SPATA17: variants seen among roughly 807,000 people sequenced by gnomAD.
SPATA17 encodes spermatogenesis associated 17.
In SPATA17, 53 loss-of-function variants were observed where a neutral mutation model predicts 62.2. That is an observed-to-expected ratio of 0.85 (90% CI 0.68 to 1.07). The LOEUF (loss-of-function observed/expected upper bound fraction) is 1.07. SPATA17 is among the 50% of genes least tolerant of loss of function. The pLI is 0.00. For synonymous variants in SPATA17, 146 were observed against 146.8 expected, an observed-to-expected ratio of 0.99 and a Z score of 0.04; for missense variants, 466 against 425.5, an observed-to-expected ratio of 1.10 and a Z score of -0.84.
intron 5 of SPATA17, among the ~76,000 whole-genome samples, chr1:217,721,275 C>T (rs548504658): frequency 1.3e-5 from 2 of 152,066 alleles, no homozygotes; most frequent in Non-Finnish European, 2.9e-5. Context: ...CTCCATGATC[C>T]TCTCTAAGAT....
rs1480425191 is a variant in SPATA17, at chr1:217,822,128, GT to G, written c.1005+20283del. 3.9e-5 allele frequency among the ~76,000 whole-genome samples: 6 copies of G among 152,136 alleles called. No individual in the cohort carries two copies. The East Asian group carries it at 9.7e-4, about 25-fold the overall frequency. ...AAACCCTGGGTTAATGAGTATGCAC[GT>G]TTTTAAGACTTTTGATCCATCTTCC... On this transcript the variant is annotated intron_variant, in intron 9 of 10. Coordinates refer to ENST00000366933, the MANE Select transcript of SPATA17 (RefSeq NM_138796.4).
intron 9 of SPATA17, among the ~76,000 whole-genome samples, chr1:217,822,633 T>A (rs920327091): frequency 6.8e-6 from 1 of 146,708 alleles, no homozygotes; most frequent in Non-Finnish European, 1.5e-5. Flanking sequence ...ATGATGTATA[T>A]CTATATATAT....
At chr1:217,744,953 ATAT>A (rs1460439232) in intron 6 of SPATA17, among the ~76,000 whole-genome samples, 2 of 152,362 alleles carry the variant, frequency 1.3e-5, no homozygotes, top group East Asian at 3.9e-4. Context: ...GGTAACAATC[ATAT>A]TATTAGAATT....
chr1:217,805,081 C>G (rs1314995838), intron 9 of SPATA17, among the ~76,000 whole-genome samples: 1 of 152,072 alleles, frequency 6.6e-6, no homozygotes, highest in African/African-American at 2.4e-5. Flanking sequence ...ATCTGCAGCC[C>G]CATGTTTACT....
At chr1:217,794,963 A>G (rs1196539189) in intron 8 of SPATA17, among the ~76,000 whole-genome samples, 1 of 152,210 alleles carries the variant, frequency 6.6e-6, no homozygotes, top group East Asian at 1.9e-4. Flanking sequence ...AGTCAAGCCA[A>G]AAAATGAAGT....
intron 4 of SPATA17, among the ~76,000 whole-genome samples, chr1:217,683,042 A>G (rs1429440091): frequency 6.6e-6 from 1 of 151,582 alleles, no homozygotes; most frequent in African/African-American, 2.4e-5. Context: ...AAAATAAATT[A>G]TAATAGCCTA....
At chr1:217,720,102 A>C (rs1397760246) in intron 5 of SPATA17, among the ~76,000 whole-genome samples, 2 of 152,200 alleles carry the variant, frequency 1.3e-5, no homozygotes, top group Non-Finnish European at 2.9e-5. Context: ...GGAAGGGGTA[A>C]CACTTTCCCC....
At chr1:217,714,792 G>A (rs933687791) in intron 5 of SPATA17, among the ~76,000 whole-genome samples, 3 of 150,522 alleles carry the variant, frequency 2.0e-5, no homozygotes, top group African/African-American at 7.4e-5. Flanking sequence ...GCCGGAAAAC[G>A]TGTTTCTAAT....
chr1:217,738,980 CAG>C (rs1672571267), intron 5 of SPATA17, among the ~76,000 whole-genome samples: 1 of 151,992 alleles, frequency 6.6e-6, no homozygotes, highest in Admixed American at 6.6e-5. Flanking sequence ...AAAACAAAAA[CAG>C]AGTCTATGCT....
chr1:217,733,932 AG>A (rs1291578339), intron 5 of SPATA17, among the ~76,000 whole-genome samples: 6 of 152,288 alleles, frequency 3.9e-5, no homozygotes, highest in Admixed American at 6.5e-5. Flanking sequence ...CCCTTTGTGA[AG>A]GGCTGCCCTA....
At chr1:217,777,543 A>G (rs1236306178) in intron 7 of SPATA17, among the ~76,000 whole-genome samples, 2 of 151,994 alleles carry the variant, frequency 1.3e-5, no homozygotes, top group African/African-American at 4.8e-5. Flanking sequence ...CTGGTATTAC[A>G]GGCACCTGCC....
chr1:217,745,361 T>G (rs370516939), intron 6 of SPATA17, among the ~76,000 whole-genome samples: 2 of 152,270 alleles, frequency 1.3e-5, no homozygotes, highest in South Asian at 2.1e-4. Flanking sequence ...GGTGGTAAAA[T>G]AGAATAGCAG....
Position 217,739,115 on chromosome 1 carries a change from A to G in SPATA17, c.396-2860A>G, listed in dbSNP as rs566257005. On this transcript the variant is annotated intron_variant, in intron 5 of 10. Transcript: ENST00000366933. ...ACATTCAAATATGTAAAGCTTTGCA[A>G]AAGTTTCAGTAATTTTTATCTTTAT... is the stretch of plus-strand genomic sequence containing the variant. 9.2e-5 allele frequency among the ~76,000 whole-genome samples: 14 copies of G among 152,366 alleles called. No individual in the cohort carries two copies. The East Asian group carries it at 2.5e-3, about 27-fold the overall frequency.
intron 6 of SPATA17, among the ~76,000 whole-genome samples, chr1:217,760,563 C>G (rs1673148506): frequency 6.6e-6 from 1 of 152,140 alleles, no homozygotes; most frequent in South Asian, 2.1e-4. Flanking sequence ...TAGCATTTCC[C>G]CCTGAGGCAT....
chr1:217,712,280 C>T (rs1194549492), intron 5 of SPATA17, among the ~76,000 whole-genome samples: 1 of 151,874 alleles, frequency 6.6e-6, no homozygotes, highest in Non-Finnish European at 1.5e-5. Flanking sequence ...GCATGTGCCA[C>T]CACGCCTGGC....
intron 3 of SPATA17, among the ~76,000 whole-genome samples, chr1:217,656,582 T>TATGTATGTATG (rs777640126): frequency 1.5e-3 from 172 of 118,454 alleles, no homozygotes; most frequent in African/African-American, 5.2e-3. Context: ...ATGTATGTAT[T>TATGTATGTATG]TATTTATTTT....
chr1:217,833,631 T>G (rs1230793521), intron 9 of SPATA17, among the ~76,000 whole-genome samples: 1 of 152,194 alleles, frequency 6.6e-6, no homozygotes, highest in African/African-American at 2.4e-5. Context: ...ATGCGGAGTT[T>G]GATTTAATAT....
chr1:217,798,146 A>G (rs1424214599), intron 8 of SPATA17, among the ~76,000 whole-genome samples: 2 of 152,182 alleles, frequency 1.3e-5, no homozygotes, highest in Non-Finnish European at 2.9e-5. Flanking sequence ...AGATAAAACT[A>G]TTGATTTTCT....
At chr1:217,860,082 A>G (rs925981081) in intron 9 of SPATA17, among the ~76,000 whole-genome samples, 4 of 152,052 alleles carry the variant, frequency 2.6e-5, no homozygotes, top group Non-Finnish European at 5.9e-5. Context: ...GCATCTCACA[A>G]ATCTGATGGG....
Sources: gnomAD v4.1 joint callset for allele counts (sites outside exome capture counted in the v4.1 genomes callset) on GRCh38, gnomAD v4.1.1 for gene constraint, MANE v1.5 for transcripts, NCBI Gene and HGNC (gene_info 2026-07-23, HGNC 2026-07-21) for gene names.